Variants in TKFC observed in about 807,000 individuals in gnomAD.
TKFC encodes the protein triokinase and FMN cyclase, also known as triokinase/FMN cyclase.
A neutral mutation model predicts 61.0 loss-of-function variants in TKFC; 46 were observed. The ratio of observed to expected loss-of-function variants is 0.75; its 90% confidence interval spans 0.60 to 0.96. TKFC has a LOEUF of 0.96. TKFC is among the 50% of genes least tolerant of loss of function. The probability of loss-of-function intolerance (pLI) is 0.00; values close to 1 mark genes in which losing one functional copy is unlikely to be tolerated. For missense variants in TKFC, 715 were observed against 777.5 expected (o/e 0.92, Z 0.96); for synonymous variants, 314 against 330.1 (o/e 0.95, Z 0.53).
intron 3 of TKFC, among the ~76,000 whole-genome samples, 195 bp downstream of exon 3, chr11:61,338,325 A>G (rs535555986): frequency 6.6e-6 from 1 of 152,090 alleles, no homozygotes; most frequent in African/African-American, 2.4e-5. Context: ...TACATCTACA[A>G]ATCTACGAAG....
chr11:61,347,865 A>C lies in TKFC; in HGVS notation c.*1362A>C. The C allele has an allele frequency of 2.0e-6, 2 of 982,796 alleles. No individual in the cohort carries two copies. Among genetic ancestry groups the C allele is most frequent in the Non-Finnish European group, 2.4e-6 (2 of 827,476 alleles). 60.9% of individuals were successfully genotyped at this position (982,796 alleles called of 1,614,324 possible). A position where few individuals can be genotyped will look rare whatever the true frequency, so the allele number is the denominator to read the frequency against. The stretch of plus-strand genomic sequence containing the variant: ...ATGAATTGATGAAGATGGGCCATAA[A>C]GCCCAGCACAGTCCAAGTGCTCACT... On this transcript the variant is annotated 3_prime_UTR_variant, in exon 18 of 18. Coordinates refer to ENST00000394900, the MANE Select transcript of TKFC (RefSeq NM_015533.4).
In TKFC at chr11:61,342,457, G is replaced by C. The variant is rs550907491; in HGVS notation, c.656-4G>C. The C allele has an allele frequency of 1.2e-6, 2 of 1,613,994 alleles. No homozygotes were observed. Among genetic ancestry groups the C allele is most frequent in the Non-Finnish European group, 1.7e-6 (2 of 1,180,030 alleles). ...GGGTCAGCAGTGACCACATCTATCC[G>C]CAGGGATCCACGGGGAAGCTGGTGT... On this transcript the variant is annotated splice_polypyrimidine_tract_variant and splice_region_variant and intron_variant, in intron 7 of 17. Transcript: ENST00000394900.
chr11:61,342,721 A>C, intron 9 of TKFC, 34 bp from the exon 10 acceptor site: 1 of 1,613,720 alleles, frequency 6.2e-7, no homozygotes, highest in Non-Finnish European at 8.5e-7. Context: ...AGACGCCCAG[A>C]GGGTCTCACC....
chr11:61,349,636 A>G (rs1218596719), downstream of TKFC: 1 of 702,934 alleles, frequency 1.4e-6, no homozygotes, highest in African/African-American at 1.7e-5. Flanking sequence ...CCTCAGCTGT[A>G]GCAGCAGCTG....
rs142253953 is a variant in TKFC at position 61,341,828 on chromosome 11, C to A, written c.571C>A (p.Leu191Met). The A allele has an allele frequency of 8.1e-6, 13 of 1,613,890 alleles. No homozygotes were observed. In the African/African-American group the frequency reaches 1.7e-4, roughly 22 times the overall value. ...VNVVAKAMGTLGVSLSSCSVP... is the reference protein window; with the variant it reads ...VNVVAKAMGTMGVSLSSCSVP... ...TCATGCCTTGTTTCTCATAGGTACC[C>A]TGGGGGTGAGCTTATCCTCCTGCAG... The change falls in exon 7 of 18, where the codon CTG becomes ATG. Residue 191 changes from leucine to methionine, a missense_variant. By Grantham distance (15) the Leu-to-Met change is conservative (BLOSUM62 2). Coordinates refer to ENST00000394900, the MANE Select transcript of TKFC (RefSeq NM_015533.4).
chr11:61,349,586 TGACA>T (rs1274421659), downstream of TKFC: 1 of 702,932 alleles, frequency 1.4e-6, no homozygotes, highest in Admixed American at 2.0e-5. Context: ...TGCCTGCCGG[TGACA>T]GACACGTAAG....
Position 61,342,856 on chromosome 11 carries a change from A to G in TKFC, c.865+12A>G. 6.2e-7 allele frequency: 1 copy of G among 1,613,372 alleles called. No homozygotes were observed. Among genetic ancestry groups the G allele is most frequent in the Non-Finnish European group, 8.5e-7 (1 of 1,179,550 alleles). ...CGTCCGCTCCCTGGGTGAGCCATGC[A>G]CTGGGAAGGGGATCCTACAGCCCTT... is the stretch of plus-strand genomic sequence containing the variant. On this transcript the variant is annotated intron_variant, in intron 10 of 17. Transcript: ENST00000394900.
intron 6 of TKFC, 98 bp from the exon 7 acceptor site, chr11:61,341,725 G>C: frequency 7.6e-7 from 1 of 1,323,240 alleles, no homozygotes; most frequent in South Asian, 1.2e-5. Flanking sequence ...AGAGAAGAGG[G>C]TACCTGTGGG....
chr11:61,350,582 G>A (rs568837799), downstream of TKFC: 14 of 842,468 alleles, frequency 1.7e-5, no homozygotes, highest in Admixed American at 7.0e-5. Context: ...TACACACCCC[G>A]TCTCCCTACA....
In TKFC at chr11:61,347,240, T is replaced by C; in HGVS notation, c.*737T>C. The C allele has an allele frequency of 1.0e-6, 1 of 985,388 alleles. No individual in the cohort carries two copies. The highest frequency in any genetic ancestry group is 1.2e-6 in the Non-Finnish European group (1 of 829,952). The allele number at this position is 985,388 out of a possible 1,614,324, so 61.0% of individuals were successfully genotyped here. A position where few individuals can be genotyped will look rare whatever the true frequency, so the allele number is the denominator to read the frequency against. Reference sequence around the variant, plus strand: ...ATCATCATAGTCTAAGGTTCAGTTGTAGATCAAAAAATGCAGCCAGGCCGG... The same window carrying C: ...ATCATCATAGTCTAAGGTTCAGTTGCAGATCAAAAAATGCAGCCAGGCCGG... On this transcript the variant is annotated 3_prime_UTR_variant, in exon 18 of 18. Coordinates refer to ENST00000394900, the MANE Select transcript of TKFC (RefSeq NM_015533.4).
downstream of TKFC, chr11:61,353,118 A>C (rs1450137440): frequency 6.2e-7 from 1 of 1,611,046 alleles, no homozygotes; most frequent in African/African-American, 1.3e-5. Flanking sequence ...GGCAGGAGGA[A>C]GACAGCAAAG....
chr11:61,342,677 G>A lies in TKFC; in HGVS notation c.775+19G>A, dbSNP rs780293503. 63 of 1,613,704 alleles carry A rather than the reference G, an allele frequency of 3.9e-5. 1 individual carries two copies. Among genetic ancestry groups the A allele is most frequent in the South Asian group, 1.4e-4 (13 of 91,084 alleles). On this transcript the variant is annotated intron_variant, in intron 9 of 17. Coordinates refer to ENST00000394900, the MANE Select transcript of TKFC (RefSeq NM_015533.4). The stretch of plus-strand genomic sequence containing the variant: ...CAGCCCGGTGGGTAGCCTCTCGCCC[G>A]CGTCTCCCAACCCCTCCTAAACCTC...
downstream of TKFC, chr11:61,350,765 A>G (rs1327202370): frequency 3.2e-6 from 2 of 628,058 alleles, no homozygotes; most frequent in Admixed American, 3.2e-5. Context: ...TTTGGGGGGG[A>G]AATTCTGTCT....
intron 9 of TKFC, 21 bp downstream of exon 9, chr11:61,342,679 G>A (rs375465844): frequency 6.2e-5 from 100 of 1,613,700 alleles, no homozygotes; most frequent in Admixed American, 1.2e-4. Flanking sequence ...TCTCGCCCGC[G>A]TCTCCCAACC....
chr11:61,336,722 C>T (rs1856621497), intron 2 of TKFC, among the ~76,000 whole-genome samples: 1 of 152,190 alleles, frequency 6.6e-6, no homozygotes, highest in Admixed American at 6.5e-5. Context: ...CTGGCCCCCA[C>T]GCTACTCACT....
downstream of TKFC, chr11:61,353,032 G>A: frequency 6.2e-7 from 1 of 1,614,182 alleles, no homozygotes; most frequent in Non-Finnish European, 8.5e-7. Context: ...CGGATGCGAT[G>A]GACAGAGAGA....
Position 61,344,240 on chromosome 11 carries a change from G to A in TKFC, c.1207G>A (p.Asp403Asn), listed in dbSNP as rs754625426. The A allele has an allele frequency of 2.4e-5, 39 of 1,612,726 alleles. No individual in the cohort carries two copies. The highest frequency in any genetic ancestry group is 1.8e-4 in the Middle Eastern group (1 of 5,416). Residue 403 changes from aspartate (D) to asparagine (N), a missense_variant, in exon 13 of 18, where the codon GAC becomes AAC. Coordinates refer to ENST00000394900, the MANE Select transcript of TKFC (RefSeq NM_015533.4). Reference protein sequence around the residue: ...NALDRAAGDGDCGTTHSRAAR... With the variant: ...NALDRAAGDGNCGTTHSRAAR... ...CCTGGACCGGGCTGCTGGTGACGGCGACTGTGGCACCACCCACAGCCGTGC... is the reference window on the plus strand; with the variant it reads ...CCTGGACCGGGCTGCTGGTGACGGCAACTGTGGCACCACCCACAGCCGTGC...
Position 61,339,111 on chromosome 11 carries a change from T to C in TKFC, c.239T>C (p.Val80Ala), listed in dbSNP as rs1190956337. 1.2e-6 allele frequency: 2 copies of C among 1,613,736 alleles called. No homozygotes were observed. The highest frequency in any genetic ancestry group is 2.2e-5 in the South Asian group (2 of 91,068). The change falls in exon 4 of 18, where the codon GTG becomes GCG. Residue 80 changes from valine to alanine, a missense_variant. Coordinates refer to ENST00000394900, the MANE Select transcript of TKFC (RefSeq NM_015533.4). The part of the protein sequence containing the change: ...GMLTGVIAGA[V>A]FTSPAVGSIL... ...CTGACTGGGGTCATCGCGGGAGCTG[T>C]GTTCACCTCCCCGGCAGTGGGCAGC... is the stretch of plus-strand genomic sequence containing the variant.
In TKFC at chr11:61,346,365, A is replaced by T. The variant is rs1427447667; in HGVS notation, c.1590A>T (p.Ala530=). 6.2e-7 allele frequency: 1 copy of T among 1,612,714 alleles called. No homozygotes were observed. The highest frequency in any genetic ancestry group is 8.5e-7 in the Non-Finnish European group (1 of 1,179,976). ...CCATCCCCCAGAGTGCCGAAGCTGC[A>T]GCCGAGGCCACCAAGAATATGGAAG... ...LTKAVKSAEA[A]AEATKNMEAG... The change falls in exon 18 of 18, where the codon GCA becomes GCT. Residue 530 remains alanine, a synonymous_variant. Transcript: ENST00000394900. The surrounding 1 kb of genome is among the most constrained non-coding windows in gnomAD (Gnocchi z 4.1).
Sources: allele counts gnomAD v4.1 joint callset (sites outside exome capture counted in the v4.1 genomes callset), GRCh38; gene constraint gnomAD v4.1.1; non-coding constraint Gnocchi (gnomAD v3.1); transcripts MANE v1.5; gene names NCBI Gene and HGNC (gene_info 2026-07-23, HGNC 2026-07-21).